ATP8A1: variants seen among roughly 807,000 people sequenced by gnomAD.
ATP8A1 encodes the protein ATPase phospholipid transporting 8A1, also known as phospholipid-transporting ATPase IA.
Under a neutral mutation model 177.7 loss-of-function variants are expected in ATP8A1, and 90 were observed. That is an observed-to-expected ratio of 0.51 (90% CI 0.43 to 0.60). The LOEUF is 0.60. Ranked by LOEUF, ATP8A1 falls within the 20% of genes least tolerant of loss-of-function variation. ATP8A1 has a pLI of 0.00. For missense variants in ATP8A1, 1,072 were observed against 1,392.8 expected, an observed-to-expected ratio of 0.77 and a Z score of 3.67; for synonymous variants, 493 against 485.9, an observed-to-expected ratio of 1.01 and a Z score of -0.19.
intron 27 of ATP8A1, among the ~76,000 whole-genome samples, chr4:42,463,641 A>G (rs1719416762): frequency 6.6e-6 from 1 of 152,232 alleles, no homozygotes; most frequent in Non-Finnish European, 1.5e-5. Flanking sequence ...AGGTGCTACA[A>G]AATTGTTTAC....
intron 22 of ATP8A1, among the ~76,000 whole-genome samples, chr4:42,510,252 CATTAT>C (rs1258820598): frequency 2.6e-5 from 4 of 152,062 alleles, no homozygotes; most frequent in Non-Finnish European, 5.9e-5. Flanking sequence ...AAGAAGATAG[CATTAT>C]TTTATTTCCT....
chr4:42,472,932 C>G (rs928101540), intron 25 of ATP8A1, among the ~76,000 whole-genome samples: 1 of 151,982 alleles, frequency 6.6e-6, no homozygotes, highest in Non-Finnish European at 1.5e-5. Context: ...AAAAATGACC[C>G]TGAGGTTTCA....
At chr4:42,636,119 TACACACACACACAC>T (rs544619447) in intron 1 of ATP8A1, among the ~76,000 whole-genome samples, 818 of 79,086 alleles carry the variant, frequency 0.01, 14 homozygotes, top group African/African-American at 0.039. Flanking sequence ...ATGGGCTTAA[TACACACACACACAC>T]ACACACACAC....
At chr4:42,450,117 T>A (rs1015416444) in intron 30 of ATP8A1, among the ~76,000 whole-genome samples, 1 of 152,076 alleles carries the variant, frequency 6.6e-6, no homozygotes, top group Non-Finnish European at 1.5e-5. Flanking sequence ...AATCTGAAGG[T>A]CCATCAACTG....
intron 19 of ATP8A1, 116 bp downstream of exon 19, chr4:42,548,897 C>A: frequency 2.6e-6 from 2 of 778,590 alleles, no homozygotes; most frequent in Non-Finnish European, 4.0e-6. Context: ...AATATTTTGT[C>A]TAAACAAATT....
intron 33 of ATP8A1, among the ~76,000 whole-genome samples, chr4:42,437,414 G>C (rs954576254): frequency 5.3e-5 from 8 of 151,980 alleles, no homozygotes; most frequent in African/African-American, 1.9e-4. Context: ...GTACTGGTGT[G>C]AAAAAATACA....
At chr4:42,489,596 G>T (rs1229929412) in intron 24 of ATP8A1, among the ~76,000 whole-genome samples, 2 of 152,166 alleles carry the variant, frequency 1.3e-5, no homozygotes, top group Non-Finnish European at 2.9e-5. Context: ...TCTCATTTTA[G>T]TTTATAGTTT....
chr4:42,434,082 G>C (rs1158855828), intron 33 of ATP8A1, among the ~76,000 whole-genome samples: 1 of 152,168 alleles, frequency 6.6e-6, no homozygotes, highest in Non-Finnish European at 1.5e-5. Context: ...TCCCAGAATA[G>C]TGAAGATAAT....
At chr4:42,481,570 T>A (rs79941489) in intron 25 of ATP8A1, among the ~76,000 whole-genome samples, 1 of 152,200 alleles carries the variant, frequency 6.6e-6, no homozygotes, top group Non-Finnish European at 1.5e-5. Context: ...CCAGGGGGCA[T>A]AAAGCACTGG....
intron 33 of ATP8A1, among the ~76,000 whole-genome samples, chr4:42,431,507 T>C (rs902693180): frequency 6.6e-6 from 1 of 152,166 alleles, no homozygotes; most frequent in Non-Finnish European, 1.5e-5. Flanking sequence ...ACTGGTAAGG[T>C]TTCTTCTTGT....
In ATP8A1 at chr4:42,431,707, A is replaced by G. The variant is rs559541907; in HGVS notation, c.3124-8002T>C. On this transcript the variant is annotated intron_variant, in intron 33 of 36. Transcript: ENST00000381668. ...TTTCTGGCTCTGACCCCTCTGAAACATCCTGGTAGCATAACTCTTCAGAGA... is the reference window on the plus strand; with the variant it reads ...TTTCTGGCTCTGACCCCTCTGAAACGTCCTGGTAGCATAACTCTTCAGAGA... 6.6e-5 allele frequency among the ~76,000 whole-genome samples: 10 copies of G among 152,306 alleles called. No homozygotes were observed. In the East Asian group the frequency reaches 1.9e-3, roughly 29 times the overall value.
intron 19 of ATP8A1, among the ~76,000 whole-genome samples, chr4:42,545,632 A>G (rs1197121050): frequency 6.6e-6 from 1 of 151,914 alleles, no homozygotes; most frequent in South Asian, 2.1e-4. Context: ...TTCCCTCCTC[A>G]CCCCAGAAGC....
intron 1 of ATP8A1, among the ~76,000 whole-genome samples, chr4:42,642,926 GC>G (rs1740156301): frequency 6.6e-6 from 1 of 152,180 alleles, no homozygotes; most frequent in South Asian, 2.1e-4. Context: ...AATCTGAACA[GC>G]CTGATCTTAT....
intron 20 of ATP8A1, among the ~76,000 whole-genome samples, chr4:42,540,417 C>T (rs553408365): frequency 6.1e-4 from 92 of 151,930 alleles, no homozygotes; most frequent in African/African-American, 2.2e-3. Context: ...AGCAATCCCA[C>T]TACTGGGTAA....
chr4:42,624,486 A>G (rs779632035), intron 4 of ATP8A1, 50 bp downstream of exon 4: 1 of 990,410 alleles, frequency 1.0e-6, no homozygotes, highest in Non-Finnish European at 1.5e-6. Context: ...TATTTAAAGC[A>G]TATATAAATA....
intron 23 of ATP8A1, among the ~76,000 whole-genome samples, chr4:42,506,661 C>T (rs1724395359): frequency 6.6e-6 from 1 of 152,068 alleles, no homozygotes; most frequent in South Asian, 2.1e-4. Context: ...GTGTGGTACG[C>T]TCTTATGGAA....
intron 27 of ATP8A1, among the ~76,000 whole-genome samples, chr4:42,464,052 T>C (rs936156697): frequency 3.9e-5 from 6 of 152,328 alleles, no homozygotes; most frequent in African/African-American, 1.4e-4. Context: ...TCTACATGTG[T>C]GTTATCCCTC....
chr4:42,482,374 G>T (rs970363438), intron 25 of ATP8A1, among the ~76,000 whole-genome samples: 4 of 151,350 alleles, frequency 2.6e-5, no homozygotes, highest in African/African-American at 9.7e-5. Context: ...CTGTTAGACT[G>T]ATACAAACAG....
At chr4:42,586,245 A>C in intron 9 of ATP8A1, 104 bp downstream of exon 9, 1 of 1,383,892 alleles carries the variant, frequency 7.2e-7, no homozygotes, top group Non-Finnish European at 9.8e-7. Flanking sequence ...TTGAGGACTC[A>C]AACTTAGCAC....
Sources: allele counts gnomAD v4.1 joint callset (sites outside exome capture counted in the v4.1 genomes callset), GRCh38; gene constraint gnomAD v4.1.1; transcripts MANE v1.5; gene names NCBI Gene and HGNC (gene_info 2026-07-23, HGNC 2026-07-21).